C16orf92: variants seen among roughly 807,000 people sequenced by gnomAD.
The protein encoded by C16orf92 is fertilization-influencing membrane protein 1.
A neutral mutation model predicts 13.7 loss-of-function variants in C16orf92; 14 were observed. The observed-to-expected ratio is 1.02, with a 90% CI of 0.67 to 1.60. The LOEUF (loss-of-function observed/expected upper bound fraction) is 1.60. C16orf92 is among the 40% of genes most tolerant of loss of function. C16orf92 has a pLI of 0.00. For synonymous variants in C16orf92, 50 were observed against 57.4 expected, an observed-to-expected ratio of 0.87 and a Z score of 0.58; for missense variants, 116 against 139.0, an observed-to-expected ratio of 0.83 and a Z score of 0.83.
downstream of C16orf92, chr16:30,025,939 C>T (rs566581041): frequency 2.6e-5 from 20 of 767,872 alleles, no homozygotes; most frequent in African/African-American, 3.1e-4. This position sits in a 1 kb window ranked among gnomAD's most constrained non-coding sequence, Gnocchi z 4.1. Context: ...AACATCAGAA[C>T]ACCTGGGTGC....
chr16:30,026,798 G>GTCCTCTGCCTAC, downstream of C16orf92: 2 of 1,614,184 alleles, frequency 1.2e-6, no homozygotes, highest in Non-Finnish European at 1.7e-6. Context: ...TGTCGTAGAT[G>GTCCTCTGCCTAC]AAGTAGGGCA....
chr16:30,025,633 G>A (rs762872467), downstream of C16orf92: 7 of 1,483,028 alleles, frequency 4.7e-6, no homozygotes, highest in South Asian at 2.3e-5. The surrounding 1 kb of genome is among the most constrained non-coding windows in gnomAD (Gnocchi z 4.1). Flanking sequence ...GGGGGATGAC[G>A]AAGGGGCTAG....
At chr16:30,025,767 C>T (rs757190900), downstream of C16orf92, 12 of 1,614,024 alleles carry the variant, frequency 7.4e-6, no homozygotes, top group Admixed American at 1.3e-4. This position sits in a 1 kb window ranked among gnomAD's most constrained non-coding sequence, Gnocchi z 4.1. Context: ...GGCGTGCTGA[C>T]CTCTGCCATC....
At position 30,024,638 on chromosome 16, in the gene C16orf92, T is replaced by C; in HGVS notation, c.*411T>C. On this transcript the variant is annotated 3_prime_UTR_variant, in exon 4 of 4. Transcript: ENST00000681219. Reference sequence around the variant, plus strand: ...GGAAGGCTTGGGGGTAGCAGCCACCTCCTTCCCCCAACCCAACAGACTAGT... The same window carrying C: ...GGAAGGCTTGGGGGTAGCAGCCACCCCCTTCCCCCAACCCAACAGACTAGT... The C allele has an allele frequency of 4.2e-6, 1 of 235,582 alleles. No individual in the cohort carries two copies. 14.6% of individuals were successfully genotyped at this position (235,582 alleles called of 1,614,324 possible).
At position 30,024,554 on chromosome 16, in the gene C16orf92, T is replaced by C. The variant is rs1330332691; in HGVS notation, c.*327T>C. The C allele has an allele frequency of 3.0e-5, 12 of 397,446 alleles. No individual in the cohort carries two copies. The highest frequency in any genetic ancestry group is 5.4e-5 in the Non-Finnish European group (12 of 220,628). 24.6% of individuals were successfully genotyped at this position (397,446 alleles called of 1,614,324 possible). On this transcript the variant is annotated 3_prime_UTR_variant, in exon 4 of 4. Transcript: ENST00000681219. The stretch of plus-strand genomic sequence containing the variant: ...GACATGGCAGGGCCCGAGGGCGCGA[T>C]GTGCAGCCGATGGTGAGGGACTGGG...
chr16:30,024,907 C>T (rs1000318863), downstream of C16orf92: 13 of 402,272 alleles, frequency 3.2e-5, no homozygotes, highest in Non-Finnish European at 4.8e-5. Context: ...TGGTGTCCCT[C>T]CCCACAAGCC....
Position 30,023,793 on chromosome 16 carries a change from C to G in C16orf92, c.131C>G (p.Pro44Arg). 6.2e-7 allele frequency: 1 copy of G among 1,614,168 alleles called. No individual in the cohort carries two copies. The highest frequency in any genetic ancestry group is 8.5e-7 in the Non-Finnish European group (1 of 1,180,018). ...GTESPRFLDR[P>R]DFFDYPDSDQ... The stretch of plus-strand genomic sequence containing the variant: ...GAGTCTCCGCGCTTCTTAGACAGAC[C>G]TGACTTCTTCGATTATCCGGACTCA... Residue 44 changes from proline to arginine, a missense_variant, in exon 2 of 4, where the codon CCT (proline) becomes CGT (arginine). Physicochemically the swap from Pro to Arg is moderately radical, Grantham distance 103 (BLOSUM62 -2). Coordinates refer to ENST00000681219, the MANE Select transcript of C16orf92 (RefSeq NM_001109659.2).
chr16:30,023,451 G>A (rs767650661), intron 1 of C16orf92, 47 bp downstream of exon 1: 13 of 1,580,546 alleles, frequency 8.2e-6, no homozygotes, highest in Admixed American at 1.8e-5. Context: ...AGCTCTGGGA[G>A]CATAAAGTGT....
At chr16:30,025,432 G>A (rs757482162), downstream of C16orf92, 4 of 1,612,454 alleles carry the variant, frequency 2.5e-6, no homozygotes, top group South Asian at 1.1e-5. This position sits in a 1 kb window ranked among gnomAD's most constrained non-coding sequence, Gnocchi z 4.1. Flanking sequence ...TCAGGGCCCC[G>A]TTCACCTTGT....
chr16:30,026,622 AAGCACACC>A, downstream of C16orf92: 1 of 1,609,184 alleles, frequency 6.2e-7, no homozygotes, highest in Non-Finnish European at 8.5e-7. Flanking sequence ...TGAGAGTGGG[AAGCACACC>A]AGCACCATGG....
rs1181349112 is a variant in C16orf92, at chr16:30,023,223, GA to G, written c.-117del. 12 of 840,624 alleles carry G rather than the reference GA, an allele frequency of 1.4e-5. No homozygotes were observed. The highest frequency in any genetic ancestry group is 4.3e-5 in the Admixed American group (2 of 46,300). The allele number at this position is 840,624 out of a possible 1,614,324, so 52.1% of individuals were successfully genotyped here. A position where few individuals can be genotyped will look rare whatever the true frequency, so the allele number is the denominator to read the frequency against. ...CTCTCTTCTCCTCTCCTCTTCTGAT[GA>G]GAGTGAGGGATGGGGGAGGGGTCCC... On this transcript the variant is annotated 5_prime_UTR_variant, in exon 1 of 4. An upstream open reading frame in the 5' UTR gains an earlier in-frame stop. Coordinates refer to ENST00000681219, the MANE Select transcript of C16orf92 (RefSeq NM_001109659.2).
chr16:30,024,240 G>A lies in C16orf92; in HGVS notation c.*13G>A, dbSNP rs774879199. On this transcript the variant is annotated 3_prime_UTR_variant, in exon 4 of 4. Transcript: ENST00000681219. ...GAAAGGGGCCTAAAGAGCCGGACAAGGGCTCTGGACTCAACCTGAGCACCC... is the reference window on the plus strand; with the variant it reads ...GAAAGGGGCCTAAAGAGCCGGACAAAGGCTCTGGACTCAACCTGAGCACCC... 3.1e-6 allele frequency: 5 copies of A among 1,613,556 alleles called. No homozygotes were observed. The highest frequency in any genetic ancestry group is 3.4e-6 in the Non-Finnish European group (4 of 1,179,542).
At position 30,024,424 on chromosome 16, in the gene C16orf92, T is replaced by A. The variant is rs1350747108; in HGVS notation, c.*197T>A. On this transcript the variant is annotated 3_prime_UTR_variant, in exon 4 of 4. Transcript: ENST00000681219. Reference sequence around the variant, plus strand: ...CCAAAGAACTTGGTGGCAAGGGCCTTGGTGGCGTTCACGCAGATCGTCTTT... The same window carrying A: ...CCAAAGAACTTGGTGGCAAGGGCCTAGGTGGCGTTCACGCAGATCGTCTTT... 1 of 737,670 alleles carries A rather than the reference T, an allele frequency of 1.4e-6. No homozygotes were observed. Among genetic ancestry groups the A allele is most frequent in the Non-Finnish European group, 2.2e-6 (1 of 460,894 alleles). 45.7% of individuals were successfully genotyped at this position (737,670 alleles called of 1,614,324 possible). A position where few individuals can be genotyped will look rare whatever the true frequency, so the allele number is the denominator to read the frequency against.
chr16:30,027,018 C>T (rs1225957556), downstream of C16orf92: 3 of 696,212 alleles, frequency 4.3e-6, no homozygotes, highest in African/African-American at 5.3e-5. Flanking sequence ...AGTCATGCAG[C>T]TAGTAAGAGA....
downstream of C16orf92, chr16:30,025,833 G>A (rs535719961): frequency 7.1e-5 from 114 of 1,610,052 alleles, no homozygotes; most frequent in Middle Eastern, 9.9e-4. This position sits in a 1 kb window ranked among gnomAD's most constrained non-coding sequence, Gnocchi z 4.1. Flanking sequence ...TGGGCACAGA[G>A]GCAGGAAGGT....
At chr16:30,023,509 C>G in intron 1 of C16orf92, 105 bp downstream of exon 1, 1 of 1,391,992 alleles carries the variant, frequency 7.2e-7, no homozygotes, top group South Asian at 1.2e-5. Context: ...CTCTCATTTT[C>G]TCTCCACTCT....
downstream of C16orf92, chr16:30,026,756 C>A (rs923506695): frequency 5.0e-6 from 8 of 1,614,082 alleles, no homozygotes; most frequent in Non-Finnish European, 6.8e-6. Context: ...TGACCTGGTG[C>A]TTGTGCCAGT....
At chr16:30,025,147 TG>T, downstream of C16orf92, 1 of 1,240,302 alleles carries the variant, frequency 8.1e-7, no homozygotes. The surrounding 1 kb of genome is among the most constrained non-coding windows in gnomAD (Gnocchi z 4.1). Context: ...TCCACGGGGG[TG>T]GGGGTGGGGA....
chr16:30,023,368 TGGGTGTGGCTGGCTGCACTAG>T lies in C16orf92; in HGVS notation c.32_52del (p.Val11_Gly17del). ...GAGGCTGTGGCCATGGGTGCTGGTG[TGGGTGTGGCTGGCTGCACTAG>T]GGGCCATAGAAACTGGTAAGAAGCT... On this transcript the variant is annotated inframe_deletion, in exon 1 of 4. Coordinates refer to ENST00000681219, the MANE Select transcript of C16orf92 (RefSeq NM_001109659.2). 6.2e-7 allele frequency: 1 copy of T among 1,609,968 alleles called. No individual in the cohort carries two copies. Among genetic ancestry groups the T allele is most frequent in the East Asian group, 2.2e-5 (1 of 44,768 alleles).
Sources: gnomAD v4.1 joint callset for allele counts on GRCh38, gnomAD v4.1.1 for gene constraint, Gnocchi (gnomAD v3.1) non-coding constraint, MANE v1.5 for transcripts, NCBI Gene and HGNC (gene_info 2026-07-23, HGNC 2026-07-21) for gene names.